ERBB4: variants seen among roughly 807,000 people sequenced by gnomAD.
The protein encoded by ERBB4 is receptor tyrosine-protein kinase erbB-4.
In ERBB4, 42 loss-of-function variants were observed where a neutral mutation model predicts 158.0. The ratio of observed to expected loss-of-function variants is 0.27; its 90% CI spans 0.21 to 0.34. ERBB4 has a LOEUF of 0.34. Among genes scored for constraint, ERBB4 ranks in the 10% least tolerant of loss-of-function variants. The pLI, the probability that ERBB4 is intolerant of heterozygous loss-of-function variation, is 1.00. For synonymous variants in ERBB4, 583 were observed against 558.7 expected, an observed-to-expected ratio of 1.04 and a Z score of -0.61; for missense variants, 1,333 against 1,624.1, an observed-to-expected ratio of 0.82 and a Z score of 3.08.
In ERBB4 at chr2:211,833,653, T is replaced by C. The variant is rs2077274096; in HGVS notation, c.422-45494A>G. Among the ~76,000 whole-genome samples, 5 of 152,112 alleles carry C rather than the reference T, an allele frequency of 3.3e-5. No homozygotes were observed. In the South Asian group the frequency reaches 8.3e-4, roughly 25 times the overall value. On this transcript the variant is annotated intron_variant, in intron 3 of 27. Transcript: ENST00000342788. ...ATTTGGATTGGCAACCAACCAAGGA[T>C]ACTCATGTTGGATTCTGTAAATATA...
At chr2:211,392,569 C>G (rs2062821551) in intron 25 of ERBB4, among the ~76,000 whole-genome samples, 1 of 145,220 alleles carries the variant, frequency 6.9e-6, no homozygotes, top group Admixed American at 6.9e-5. Context: ...CACACACACA[C>G]ACACACACAC....
At chr2:212,172,374 G>A (rs746282614) in intron 1 of ERBB4, among the ~76,000 whole-genome samples, 3 of 152,114 alleles carry the variant, frequency 2.0e-5, no homozygotes, top group Non-Finnish European at 4.4e-5. Flanking sequence ...CAAAGACCTA[G>A]AGGCAGAAAT....
chr2:212,303,898 A>G (rs1471709817), intron 1 of ERBB4, among the ~76,000 whole-genome samples: 1 of 151,610 alleles, frequency 6.6e-6, no homozygotes, highest in Non-Finnish European at 1.5e-5. Flanking sequence ...TAACAAAATT[A>G]AAAGTAGGAA....
At chr2:212,459,962 T>C (rs189327505) in intron 1 of ERBB4, among the ~76,000 whole-genome samples, 1 of 152,248 alleles carries the variant, frequency 6.6e-6, no homozygotes, top group Admixed American at 6.5e-5. Flanking sequence ...TGAATTCACA[T>C]GTGTTGTGGG....
chr2:212,185,390 T>C (rs2081988804), intron 1 of ERBB4, among the ~76,000 whole-genome samples: 1 of 152,044 alleles, frequency 6.6e-6, no homozygotes, highest in Admixed American at 6.6e-5. Context: ...AAGGCTCATC[T>C]GCTTGGAATC....
chr2:212,537,638 A>C (rs1007990177), intron 1 of ERBB4, among the ~76,000 whole-genome samples: 4 of 151,968 alleles, frequency 2.6e-5, no homozygotes, highest in Non-Finnish European at 4.4e-5. Context: ...TAAACAGACA[A>C]GTTTGAAGGA....
intron 1 of ERBB4, among the ~76,000 whole-genome samples, chr2:212,387,449 A>C (rs933736501): frequency 8.8e-5 from 12 of 135,620 alleles, no homozygotes; most frequent in Admixed American, 8.8e-4. Context: ...TGCAGTTAGA[A>C]CACATTTTTT....
intron 1 of ERBB4, among the ~76,000 whole-genome samples, chr2:212,431,628 T>C (rs939574504): frequency 6.6e-6 from 1 of 152,206 alleles, no homozygotes; most frequent in Non-Finnish European, 1.5e-5. Flanking sequence ...TGTCTGAGAA[T>C]AAAAGCCAAA....
chr2:211,754,702 C>T lies in ERBB4; in HGVS notation c.557-3998G>A, dbSNP rs896366733. On this transcript the variant is annotated intron_variant, in intron 4 of 27. Transcript: ENST00000342788. ...GATTACAGGCATGAGCCACTGTGCC[C>T]GAGCTTTTTTTTTTTGAGACAGAGT... Among the ~76,000 whole-genome samples, 25 of 148,866 alleles carry T rather than the reference C, an allele frequency of 1.7e-4. 1 individual carries two copies. Among genetic ancestry groups the T allele is most frequent in the African/African-American group, 3.5e-4 (14 of 40,316 alleles).
chr2:212,008,729 A>G (rs1007077469), intron 2 of ERBB4, among the ~76,000 whole-genome samples: 8 of 152,262 alleles, frequency 5.3e-5, no homozygotes, highest in African/African-American at 1.4e-4. Context: ...CAAAATTAGA[A>G]TGTTCACAGG....
intron 1 of ERBB4, among the ~76,000 whole-genome samples, chr2:212,385,149 C>A (rs1321740837): frequency 6.6e-6 from 1 of 151,584 alleles, no homozygotes; most frequent in Non-Finnish European, 1.5e-5. Flanking sequence ...TGTGATGGAT[C>A]TCAGGCTGAC....
intron 2 of ERBB4, among the ~76,000 whole-genome samples, chr2:212,068,454 G>A (rs1323017582): frequency 6.6e-6 from 1 of 152,036 alleles, no homozygotes; most frequent in African/African-American, 2.4e-5. Flanking sequence ...AAACTAATTT[G>A]TTGTCTGGCC....
At chr2:212,126,003 T>A (rs2079913407) in intron 1 of ERBB4, among the ~76,000 whole-genome samples, 1 of 152,212 alleles carries the variant, frequency 6.6e-6, no homozygotes, top group Non-Finnish European at 1.5e-5. Context: ...TGTAAACATA[T>A]ACTACAAACC....
At chr2:212,223,808 C>T (rs1305359958) in intron 1 of ERBB4, among the ~76,000 whole-genome samples, 1 of 151,716 alleles carries the variant, frequency 6.6e-6, no homozygotes, top group East Asian at 1.9e-4. Context: ...GTAACACTAT[C>T]ACACTGAACT....
At chr2:211,930,737 A>C (rs2125098294) in intron 3 of ERBB4, among the ~76,000 whole-genome samples, 1 of 152,302 alleles carries the variant, frequency 6.6e-6, no homozygotes, top group South Asian at 2.1e-4. Context: ...ATACCTAATA[A>C]ATTAGATCTT....
At chr2:211,640,651 G>T (rs2125892989) in intron 16 of ERBB4, among the ~76,000 whole-genome samples, 1 of 152,192 alleles carries the variant, frequency 6.6e-6, no homozygotes, top group Admixed American at 6.5e-5. Context: ...ATATAATTAT[G>T]CGGTTATATT....
intron 4 of ERBB4, among the ~76,000 whole-genome samples, chr2:211,752,656 T>G (rs556840030): frequency 6.6e-6 from 1 of 152,246 alleles, no homozygotes; most frequent in African/African-American, 2.4e-5. Context: ...CTCGATTAAT[T>G]TTTTAACTTC....
intron 9 of ERBB4, among the ~76,000 whole-genome samples, chr2:211,708,105 CAT>C (rs1424128682): frequency 6.6e-6 from 1 of 152,020 alleles, no homozygotes; most frequent in African/African-American, 2.4e-5. Context: ...CACACACACA[CAT>C]ACACACACAA....
At chr2:212,016,962 A>G (rs1189575235) in intron 2 of ERBB4, among the ~76,000 whole-genome samples, 3 of 152,160 alleles carry the variant, frequency 2.0e-5, no homozygotes, top group East Asian at 1.9e-4. Flanking sequence ...TGCCAGATGC[A>G]TGGAAAACAT....
Sources: gnomAD v4.1 joint callset for allele counts (sites outside exome capture counted in the v4.1 genomes callset) on GRCh38, gnomAD v4.1.1 for gene constraint, MANE v1.5 for transcripts, NCBI Gene and HGNC (gene_info 2026-07-23, HGNC 2026-07-21) for gene names.